Variants in FBN1 observed in about 807,000 individuals in gnomAD.
FBN1 encodes fibrillin 1, also known as fibrillin-1.
Under a neutral mutation model 365.1 loss-of-function variants are expected in FBN1, and 29 were observed. That is an observed-to-expected ratio of 0.08 (90% CI 0.06 to 0.11). The LOEUF is 0.11. Ranked by LOEUF, FBN1 falls within the 10% of genes least tolerant of loss-of-function variation. FBN1 has a pLI of 1.00. For synonymous variants in FBN1, 1,210 were observed against 1,270.5 expected (o/e 0.95, Z 1.01); for missense variants, 2,476 against 3,703.2 (o/e 0.67, Z 8.60).
intron 6 of FBN1, among the ~76,000 whole-genome samples, chr15:48,592,659 A>C (rs1395503620): frequency 1.3e-5 from 2 of 152,302 alleles, no homozygotes; most frequent in East Asian, 1.9e-4. Context: ...TACCAAAAAA[A>C]AGTGACAGGA....
At chr15:48,530,292 G>A (rs113474935) in intron 8 of FBN1, among the ~76,000 whole-genome samples, 2 of 131,816 alleles carry the variant, frequency 1.5e-5, no homozygotes, top group Non-Finnish European at 1.6e-5. Flanking sequence ...TCCGCCGCCT[G>A]ATCACAACTT....
At chr15:48,530,834 G>A (rs911086411) in intron 8 of FBN1, among the ~76,000 whole-genome samples, 3 of 152,148 alleles carry the variant, frequency 2.0e-5, no homozygotes, top group African/African-American at 7.2e-5. Context: ...TTTTAAAAAG[G>A]TCCTGTGCAT....
chr15:48,434,734 G>A, intron 53 of FBN1, 21 bp from the exon 54 acceptor site: 1 of 1,612,432 alleles, frequency 6.2e-7, no homozygotes, highest in Non-Finnish European at 8.5e-7. Flanking sequence ...CCAGGAATGT[G>A]TCCAAAACAT....
Position 48,487,457 on chromosome 15 carries a change from A to G in FBN1, c.3338-20T>C. 3 of 1,612,950 alleles carry G rather than the reference A, an allele frequency of 1.9e-6. No individual in the cohort carries two copies. The highest frequency in any genetic ancestry group is 2.2e-5 in the East Asian group (1 of 44,860). ...CAATATCTGCAAAATGGAAATGACC[A>G]TGTTAAAGGTGGGGGCCTCATCTCC... On this transcript the variant is annotated intron_variant, in intron 27 of 65. Coordinates refer to ENST00000316623, the MANE Select transcript of FBN1 (RefSeq NM_000138.5).
intron 6 of FBN1, among the ~76,000 whole-genome samples, chr15:48,595,669 G>A (rs2044510172): frequency 6.6e-6 from 1 of 152,154 alleles, no homozygotes; most frequent in Non-Finnish European, 1.5e-5. Flanking sequence ...ATGTGGCCTT[G>A]GGGACATCCC....
At position 48,502,057 on chromosome 15, in the gene FBN1, C is replaced by T. The variant is rs1461406276; in HGVS notation, c.2113+1730G>A. ...TTTTCTTTCTTTATTGAGACAGAGT[C>T]TCGCTCTGTCACCCACGCTGGAGAA... On this transcript the variant is annotated intron_variant, in intron 17 of 65. Coordinates refer to ENST00000316623, the MANE Select transcript of FBN1 (RefSeq NM_000138.5). Among the ~76,000 whole-genome samples the T allele has an allele frequency of 3.3e-5, 5 of 152,120 alleles. No individual in the cohort carries two copies. The East Asian group carries it at 9.6e-4, about 29-fold the overall frequency.
intron 21 of FBN1, 63 bp downstream of exon 21, chr15:48,495,406 A>T: frequency 1.9e-6 from 3 of 1,600,472 alleles, no homozygotes; most frequent in Non-Finnish European, 2.6e-6. Flanking sequence ...TTGCAGGAAA[A>T]GCTGACATTA....
intron 2 of FBN1, among the ~76,000 whole-genome samples, chr15:48,613,647 G>A (rs1472233223): frequency 1.3e-5 from 2 of 152,120 alleles, no homozygotes; most frequent in African/African-American, 4.8e-5. Context: ...TTGGAAACAG[G>A]CCAGGCGCGG....
intron 32 of FBN1, among the ~76,000 whole-genome samples, chr15:48,477,006 A>G (rs1449966039): frequency 6.6e-6 from 1 of 151,996 alleles, no homozygotes; most frequent in Non-Finnish European, 1.5e-5. Context: ...GTGAATATTA[A>G]CTGACTTATA....
At chr15:48,412,539 G>A in intron 65 of FBN1, 30 bp downstream of exon 65, 1 of 1,611,712 alleles carries the variant, frequency 6.2e-7, no homozygotes, top group Non-Finnish European at 8.5e-7. Flanking sequence ...CACCACAGGA[G>A]ACATCAGGAG....
chr15:48,602,398 C>T (rs2044574184), intron 4 of FBN1, among the ~76,000 whole-genome samples: 1 of 152,090 alleles, frequency 6.6e-6, no homozygotes, highest in Admixed American at 6.6e-5. Flanking sequence ...TTATGCAATA[C>T]CTCTTAAGTG....
chr15:48,557,238 C>A (rs986357680), intron 6 of FBN1, among the ~76,000 whole-genome samples: 5 of 152,178 alleles, frequency 3.3e-5, no homozygotes, highest in African/African-American at 1.2e-4. Flanking sequence ...AACAGCTCGT[C>A]ACTTCATAGA....
Position 48,437,753 on chromosome 15 carries a change from A to G in FBN1, c.6313+15T>C, listed in dbSNP as rs527990744. On this transcript the variant is annotated intron_variant, in intron 51 of 65. Transcript: ENST00000316623. ...CCCTGCATGGCCCAGAGAGAAATGC[A>G]GATGACAGACATACCATCAGGTTCC... 6.2e-7 allele frequency: 1 copy of G among 1,613,428 alleles called. No individual in the cohort carries two copies. The highest frequency in any genetic ancestry group is 8.5e-7 in the Non-Finnish European group (1 of 1,179,744).
chr15:48,624,911 G>C (rs773756854), intron 2 of FBN1, among the ~76,000 whole-genome samples: 1 of 152,216 alleles, frequency 6.6e-6, no homozygotes, highest in Non-Finnish European at 1.5e-5. Context: ...AGGAACTGGG[G>C]ACTAAAACCA....
chr15:48,482,548 G>T (rs1201028206), intron 31 of FBN1, among the ~76,000 whole-genome samples: 1 of 152,194 alleles, frequency 6.6e-6, no homozygotes, highest in Admixed American at 6.5e-5. Flanking sequence ...CATGGCATAA[G>T]GAGGAGGTAC....
At chr15:48,572,488 T>A (rs561020701) in intron 6 of FBN1, among the ~76,000 whole-genome samples, 16 of 151,718 alleles carry the variant, frequency 1.1e-4, no homozygotes, top group African/African-American at 2.2e-4. Context: ...AGTAAAAAAA[T>A]TTTTAAGAAA....
intron 46 of FBN1, among the ~76,000 whole-genome samples, chr15:48,448,348 T>G (rs150076879): frequency 6.6e-6 from 1 of 152,144 alleles, no homozygotes; most frequent in African/African-American, 2.4e-5. Context: ...AGAAAAATGA[T>G]TAACTTTTCT....
chr15:48,510,217 AAAATT>A (rs1347516047), intron 13 of FBN1, 48 bp from the exon 14 acceptor site: 1 of 1,597,686 alleles, frequency 6.3e-7, no homozygotes, highest in Non-Finnish European at 8.6e-7. Flanking sequence ...TAGGGGAGTT[AAAATT>A]ATTTTATTTC....
chr15:48,434,477 C>T (rs2043048605), intron 54 of FBN1, 117 bp downstream of exon 54: 1 of 1,294,786 alleles, frequency 7.7e-7, no homozygotes, highest in Admixed American at 1.7e-5. Context: ...GCCCATCAGG[C>T]CTAGATGATC....
Sources: allele counts gnomAD v4.1 joint callset (sites outside exome capture counted in the v4.1 genomes callset), GRCh38; gene constraint gnomAD v4.1.1; transcripts MANE v1.5; gene names NCBI Gene and HGNC (gene_info 2026-07-23, HGNC 2026-07-21).